PPM1F: variants seen among roughly 807,000 people sequenced by gnomAD.
PPM1F encodes protein phosphatase, Mg2+/Mn2+ dependent 1F.
PPM1F carries 17 observed loss-of-function variants against 35.5 expected under a neutral mutation model. That is an observed-to-expected ratio of 0.48 (90% CI 0.33 to 0.72). The LOEUF is 0.72. Among genes scored for constraint, PPM1F ranks in the 30% least tolerant of loss-of-function variants. The probability of loss-of-function intolerance (pLI) is 0.02; values close to 1 mark genes in which losing one functional copy is unlikely to be tolerated. For synonymous variants in PPM1F, 241 were observed against 255.5 expected, an observed-to-expected ratio of 0.94 and a Z score of 0.54; for missense variants, 521 against 613.0, an observed-to-expected ratio of 0.85 and a Z score of 1.59.
Position 21,939,604 on chromosome 22 carries a change from A to G in PPM1F, c.283T>C (p.Phe95Leu), listed in dbSNP as rs2070702766. 13 of 1,564,960 alleles carry G rather than the reference A, an allele frequency of 8.3e-6. No individual in the cohort carries two copies. The highest frequency in any genetic ancestry group is 1.1e-5 in the Non-Finnish European group (13 of 1,153,420). Reference protein sequence around the residue: ...SQLLQTDLSEFRKLPREEEEE... With the variant: ...SQLLQTDLSELRKLPREEEEE... ...TCTTCCTCCCTGGGCAACTTCCTGAATTCGGAAAGGTCTGTCTGTAGCAGC... is the reference window on the plus strand; with the variant it reads ...TCTTCCTCCCTGGGCAACTTCCTGAGTTCGGAAAGGTCTGTCTGTAGCAGC... Residue 95 changes from phenylalanine to leucine, a missense_variant, in exon 3 of 8, where the codon TTC becomes CTC. Phe to Leu is a conservative substitution (Grantham distance 22). This residue lies in a region of PPM1F where 311 missense variants were observed against 351.5 expected (regional missense o/e 0.88). Coordinates refer to ENST00000263212, the MANE Select transcript of PPM1F (RefSeq NM_014634.4). This position sits in a 1 kb window ranked among gnomAD's most constrained non-coding sequence, Gnocchi z 5.1.
chr22:21,944,829 C>T (rs914787303), intron 2 of PPM1F: 3 of 152,272 alleles, frequency 2.0e-5, no homozygotes, highest in African/African-American at 7.2e-5. Flanking sequence ...GCCTAGGCGA[C>T]AGCTACACAC....
chr22:21,924,851 G>A (rs1398938578), intron 7 of PPM1F: 1 of 152,070 alleles, frequency 6.6e-6, no homozygotes, highest in Non-Finnish European at 1.5e-5. Flanking sequence ...TTACAGGCGT[G>A]AGCCAGCATG....
rs1487276354 is a variant in PPM1F at position 21,927,957 on chromosome 22, T to G, written c.892-2295A>C. 2.0e-3 allele frequency among the ~76,000 whole-genome samples: 284 copies of G among 143,154 alleles called. 3 individuals carry two copies. The highest frequency in any genetic ancestry group is 0.017 in the Admixed American group (249 of 14,394). The allele number at this position is 143,154 out of a possible 152,430, so 93.9% of individuals were successfully genotyped here. A position where few individuals can be genotyped will look rare whatever the true frequency, so the allele number is the denominator to read the frequency against. ...TTTTTGTTTTGTTTTTTTTTTTTTT[T>G]TTTTTTTTTTTTTGGAGACAGGGTC... On this transcript the variant is annotated intron_variant, in intron 6 of 7. Coordinates refer to ENST00000263212, the MANE Select transcript of PPM1F (RefSeq NM_014634.4).
intron 5 of PPM1F, 73 bp downstream of exon 5, chr22:21,933,318 T>A: frequency 7.1e-7 from 1 of 1,415,558 alleles, no homozygotes; most frequent in Non-Finnish European, 9.6e-7. Flanking sequence ...CCCTTTGGCG[T>A]TTTTCCCGCT....
chr22:21,925,196 AC>A (rs2070497692), intron 7 of PPM1F: 1 of 371,732 alleles, frequency 2.7e-6, no homozygotes, highest in Non-Finnish European at 4.8e-6. Context: ...CGCCCAGCGA[AC>A]CCACTTTTTT....
In PPM1F at chr22:21,923,255, C is replaced by G; in HGVS notation, c.1202G>C (p.Gly401Ala). The G allele has an allele frequency of 6.2e-7, 1 of 1,613,402 alleles. No individual in the cohort carries two copies. Among genetic ancestry groups the G allele is most frequent in the Non-Finnish European group, 8.5e-7 (1 of 1,179,938 alleles). The change falls in exon 8 of 8, where the codon GGC becomes GCC. Residue 401 changes from glycine (G) to alanine (A), a missense_variant. Gly to Ala is a moderately conservative substitution (Grantham distance 60). Around this residue, in one of 3 missense-constraint regions of PPM1F, gnomAD observed 163 missense variants for 169.6 expected, o/e 0.96. Coordinates refer to ENST00000263212, the MANE Select transcript of PPM1F (RefSeq NM_014634.4). ...CATGACCGTGATGTTGTCGTGGGAG[C>G]CCCGCTCCCGGGCCGCAGCCACCAG... ...EELVAAARER[G>A]SHDNITVMVV...
chr22:21,949,064 C>G (rs1334606050), intron 1 of PPM1F: 1 of 152,486 alleles, frequency 6.6e-6, no homozygotes, highest in African/African-American at 2.4e-5. Context: ...CCTGCTCTCT[C>G]TGTGCCTTGT....
chr22:21,948,674 C>T (rs1041486499), intron 1 of PPM1F: 1 of 152,276 alleles, frequency 6.6e-6, no homozygotes, highest in Admixed American at 6.5e-5. Flanking sequence ...CCTGGGGCCT[C>T]CTCCCACTCC....
At chr22:21,952,179 T>G (rs1201796699) in intron 1 of PPM1F, 3 of 152,298 alleles carry the variant, frequency 2.0e-5, no homozygotes, top group Admixed American at 1.3e-4. Context: ...GGGGCTTGCC[T>G]GACCGAACCC....
chr22:21,952,184 G>C (rs1330538068), intron 1 of PPM1F: 1 of 152,304 alleles, frequency 6.6e-6, no homozygotes, highest in African/African-American at 2.4e-5. Context: ...TTGCCTGACC[G>C]AACCCAGCGG....
intron 2 of PPM1F, 49 bp downstream of exon 2, chr22:21,945,794 T>C (rs1432970083): frequency 6.3e-6 from 10 of 1,576,600 alleles, no homozygotes; most frequent in African/African-American, 1.3e-5. Flanking sequence ...TTGTCGGCCC[T>C]GGTGCCGTGC....
In PPM1F at chr22:21,940,330, G is replaced by A. The variant is rs533768930; in HGVS notation, c.207-650C>T. Among the ~76,000 whole-genome samples the A allele has an allele frequency of 5.9e-5, 9 of 152,232 alleles. No homozygotes were observed. The East Asian group carries it at 1.5e-3, about 26-fold the overall frequency. ...TCTACTAAAAATACAAAAATTAGCC[G>A]GGTGTGGTGGCGCATGCCTGTAGTT... On this transcript the variant is annotated intron_variant, in intron 2 of 7. Coordinates refer to ENST00000263212, the MANE Select transcript of PPM1F (RefSeq NM_014634.4).
chr22:21,945,483 A>T lies in PPM1F; in HGVS notation c.206+360T>A, dbSNP rs528611990. ...ACACACATGGGGAGATGCCGTGTGC[A>T]ACAAGGCCAGCTAGGAGGAATGAGT... On this transcript the variant is annotated intron_variant, in intron 2 of 7. Transcript: ENST00000263212. 8.4e-5 allele frequency: 22 copies of T among 261,056 alleles called. No homozygotes were observed. In the East Asian group the frequency reaches 2.1e-3, roughly 25 times the overall value. 16.2% of individuals were successfully genotyped at this position (261,056 alleles called of 1,614,324 possible).
At chr22:21,927,073 C>T (rs1020311647) in intron 6 of PPM1F, among the ~76,000 whole-genome samples, 8 of 152,286 alleles carry the variant, frequency 5.3e-5, no homozygotes, top group African/African-American at 1.7e-4. Context: ...GTGCTCCTGT[C>T]CCAGCTGAGG....
At chr22:21,938,581 GGGAAA>G (rs1162998995) in intron 3 of PPM1F, 1 of 1,025,876 alleles carries the variant, frequency 9.7e-7, no homozygotes, top group African/African-American at 1.7e-5. Flanking sequence ...TAGAACAACA[GGGAAA>G]GGAAAGGAAA....
chr22:21,945,641 A>G, intron 2 of PPM1F: 1 of 555,450 alleles, frequency 1.8e-6, no homozygotes, highest in East Asian at 3.3e-5. Context: ...CCTGTGAAAG[A>G]ATGAGCTTTG....
At chr22:21,946,264 C>T (rs1016658520) in intron 1 of PPM1F, 156 bp from the exon 2 acceptor site, 2 of 420,756 alleles carry the variant, frequency 4.8e-6, no homozygotes, top group Non-Finnish European at 8.4e-6. Flanking sequence ...GACATGAGTC[C>T]AGGTGGGGAC....
chr22:21,923,620 GC>G, intron 7 of PPM1F, 149 bp from the exon 8 acceptor site: 1 of 786,110 alleles, frequency 1.3e-6, no homozygotes. Flanking sequence ...TATGCAAACT[GC>G]CCAGTACTTC....
Position 21,946,033 on chromosome 22 carries a change from G to A in PPM1F, c.16C>T (p.Pro6Ser), listed in dbSNP as rs1601792827. 2.6e-6 allele frequency: 4 copies of A among 1,547,002 alleles called. No homozygotes were observed. Among genetic ancestry groups the A allele is most frequent in the Non-Finnish European group, 2.6e-6 (3 of 1,144,668 alleles). The change falls in exon 2 of 8, where the codon CCA becomes TCA. Residue 6 changes from proline to serine, a missense_variant. Pro to Ser is a moderately conservative substitution (Grantham distance 74, BLOSUM62 -1). Around this residue, in one of 3 missense-constraint regions of PPM1F, gnomAD observed 311 missense variants for 351.5 expected, o/e 0.88. Transcript: ENST00000263212. ...CTGGCCATTGGGCTGCTCTTCTGTGGGGCTCCAGAGGACATGCCCAAAGCA... is the reference window on the plus strand; with the variant it reads ...CTGGCCATTGGGCTGCTCTTCTGTGAGGCTCCAGAGGACATGCCCAAAGCA... MSSGA[P>S]QKSSPMASGA...
Sources: gnomAD v4.1 joint callset for allele counts (sites outside exome capture counted in the v4.1 genomes callset) on GRCh38, gnomAD v4.1.1 for gene constraint, gnomAD v4.1.1 regional missense constraint, Gnocchi (gnomAD v3.1) non-coding constraint, MANE v1.5 for transcripts, NCBI Gene and HGNC (gene_info 2026-07-23, HGNC 2026-07-21) for gene names.